The following SLC44A5 variants were observed in gnomAD, a reference collection of about 807,000 sequenced individuals.
The protein encoded by SLC44A5 is choline transporter-like protein 5.
Under a neutral mutation model 101.8 loss-of-function variants are expected in SLC44A5, and 57 were observed. The ratio of observed to expected loss-of-function variants is 0.56; its 90% CI spans 0.45 to 0.70. The LOEUF is 0.70. SLC44A5 is among the 30% of genes least tolerant of loss of function. The probability of loss-of-function intolerance (pLI) is 0.00; values close to 1 mark genes in which losing one functional copy is unlikely to be tolerated. For missense variants in SLC44A5, 737 were observed against 853.1 expected (o/e 0.86, Z 1.70); for synonymous variants, 281 against 290.9 (o/e 0.97, Z 0.35).
chr1:75,591,821 C>T lies in SLC44A5; in HGVS notation c.-70+19219G>A, dbSNP rs1415851289. Among the ~76,000 whole-genome samples, 7 of 117,858 alleles carry T rather than the reference C, an allele frequency of 5.9e-5. No individual in the cohort carries two copies. The East Asian group carries it at 1.8e-3, about 31-fold the overall frequency. The allele number at this position is 117,858 out of a possible 152,430, so 77.3% of individuals were successfully genotyped here. ...TGCTGAAAAAGCATTTTATAACAGT[C>T]AACATCCTTTCATGATAAAAAAAAA... On this transcript the variant is annotated intron_variant, in intron 1 of 23. Transcript: ENST00000370859.
chr1:75,643,714 C>T, the SLC44A5 span, among the ~76,000 whole-genome samples: 3 of 152,256 alleles, frequency 2.0e-5, no homozygotes, highest in African/African-American at 7.2e-5. Context: ...TGCATGTGCT[C>T]CCTGGCCTGC....
intron 3 of SLC44A5, among the ~76,000 whole-genome samples, chr1:75,342,554 G>C (rs1657966460): frequency 6.6e-6 from 1 of 152,046 alleles, no homozygotes; most frequent in Admixed American, 6.6e-5. Context: ...TCCAAACAAA[G>C]CCTGTGTTGA....
rs549139352 is a variant in SLC44A5 at position 75,419,419 on chromosome 1, C to A, written c.14-22798G>T. On this transcript the variant is annotated intron_variant, in intron 2 of 23. Coordinates refer to ENST00000370859, the MANE Select transcript of SLC44A5 (RefSeq NM_001130058.2). ...GATAAGAATGAATGACGGTAGACTG[C>A]TCATCAGAAAACTAAGACAATGAAT... Among the ~76,000 whole-genome samples, 3 of 150,368 alleles carry A rather than the reference C, an allele frequency of 2.0e-5. No homozygotes were observed. The South Asian group carries it at 6.3e-4, about 32-fold the overall frequency.
chr1:75,585,325 A>G (rs1320586526), intron 1 of SLC44A5, among the ~76,000 whole-genome samples: 1 of 152,254 alleles, frequency 6.6e-6, no homozygotes, highest in African/African-American at 2.4e-5. Context: ...CTCATTAATC[A>G]TCCAATGCCA....
chr1:75,582,499 T>A, intron 1 of SLC44A5: 1 of 578,886 alleles, frequency 1.7e-6, no homozygotes, highest in Non-Finnish European at 3.1e-6. Flanking sequence ...AGCCTGCAGC[T>A]CCAGCTTCAA....
the SLC44A5 span, among the ~76,000 whole-genome samples, chr1:75,681,877 C>A: frequency 2.7e-3 from 417 of 152,136 alleles, no homozygotes; most frequent in Non-Finnish European, 3.9e-3. Flanking sequence ...TCAGCCCAAA[C>A]TCTCCTTAAG....
rs184167759 is a variant in SLC44A5 at position 75,566,242 on chromosome 1, C to T, written c.-69-24726G>A. On this transcript the variant is annotated intron_variant, in intron 1 of 23. Transcript: ENST00000370859. Reference sequence around the variant, plus strand: ...GTACTAGCTATTTATGATAAAAATACACGTGTGGCACCACCTCAAGCCAGT... The same window carrying T: ...GTACTAGCTATTTATGATAAAAATATACGTGTGGCACCACCTCAAGCCAGT... 6.2e-4 allele frequency among the ~76,000 whole-genome samples: 95 copies of T among 152,202 alleles called. 1 individual carries two copies. Among genetic ancestry groups the T allele is most frequent in the African/African-American group, 2.1e-3 (88 of 41,522 alleles).
chr1:75,239,186 T>C (rs1374154924), intron 9 of SLC44A5, among the ~76,000 whole-genome samples: 1 of 152,110 alleles, frequency 6.6e-6, no homozygotes, highest in Non-Finnish European at 1.5e-5. Flanking sequence ...AACAGTTTTT[T>C]AGTGGAGCTG....
At chr1:75,314,302 C>T (rs1024134785) in intron 4 of SLC44A5, among the ~76,000 whole-genome samples, 9 of 152,092 alleles carry the variant, frequency 5.9e-5, no homozygotes, top group South Asian at 4.1e-4. Context: ...AGCCTGGTCC[C>T]GGTACGGTAA....
the SLC44A5 span, among the ~76,000 whole-genome samples, chr1:75,705,558 T>A: frequency 1.7e-3 from 264 of 152,344 alleles, 1 homozygote; most frequent in African/African-American, 5.9e-3. Context: ...TCTGATTTTT[T>A]TAAATATTCA....
At chr1:75,223,520 T>C (rs1647132910) in intron 13 of SLC44A5, among the ~76,000 whole-genome samples, 1 of 152,246 alleles carries the variant, frequency 6.6e-6, no homozygotes, top group Non-Finnish European at 1.5e-5. Context: ...GTAAAAGGTA[T>C]GGATCTTAAA....
intron 5 of SLC44A5, among the ~76,000 whole-genome samples, chr1:75,276,797 C>T (rs545747291): frequency 5.9e-5 from 9 of 152,084 alleles, no homozygotes; most frequent in South Asian, 2.1e-4. Context: ...GGAGATGAGA[C>T]GGAAGGGAGC....
chr1:75,720,938 T>C, the SLC44A5 span, among the ~76,000 whole-genome samples: 1 of 152,152 alleles, frequency 6.6e-6, no homozygotes, highest in African/African-American at 2.4e-5. Context: ...TAAGTTTATC[T>C]AAAGACCTGG....
At chr1:75,362,759 T>A (rs936197295) in intron 3 of SLC44A5, among the ~76,000 whole-genome samples, 8 of 152,206 alleles carry the variant, frequency 5.3e-5, no homozygotes, top group African/African-American at 1.9e-4. Context: ...GAGAAGAGTA[T>A]GTATCCTAAT....
the SLC44A5 span, among the ~76,000 whole-genome samples, chr1:75,697,589 C>T: frequency 2.0e-5 from 3 of 152,232 alleles, no homozygotes; most frequent in South Asian, 2.1e-4. Flanking sequence ...GAGTTCGAGA[C>T]CAGCCTGAGC....
the SLC44A5 span, among the ~76,000 whole-genome samples, chr1:75,667,006 A>G: frequency 6.6e-6 from 1 of 152,240 alleles, no homozygotes. Flanking sequence ...AGCTGGAAGC[A>G]TTCCCTCTGA....
intron 22 of SLC44A5, 65 bp from the exon 23 acceptor site, chr1:75,211,617 C>A: frequency 1.7e-6 from 2 of 1,208,306 alleles, no homozygotes; most frequent in South Asian, 1.2e-5. Flanking sequence ...AATAATGCAG[C>A]TATAAATGAA....
At chr1:75,419,309 A>G (rs1359616054) in intron 2 of SLC44A5, among the ~76,000 whole-genome samples, 1 of 152,152 alleles carries the variant, frequency 6.6e-6, no homozygotes, top group Non-Finnish European at 1.5e-5. Context: ...CCAAGGAACA[A>G]TATAATCAAA....
chr1:75,296,640 G>A (rs748176573), intron 5 of SLC44A5, among the ~76,000 whole-genome samples: 1 of 151,876 alleles, frequency 6.6e-6, no homozygotes, highest in Non-Finnish European at 1.5e-5. Context: ...ACTACATAGC[G>A]AGGTGCCCTG....
Sources: gnomAD v4.1 joint callset for allele counts (sites outside exome capture counted in the v4.1 genomes callset) on GRCh38, gnomAD v4.1.1 for gene constraint, MANE v1.5 for transcripts, NCBI Gene and HGNC (gene_info 2026-07-23, HGNC 2026-07-21) for gene names.